The following CNOT1 variants were observed in gnomAD, a reference collection of about 807,000 sequenced individuals.
The protein encoded by CNOT1 is CCR4-associated factor 1.
In CNOT1, 15 loss-of-function variants were observed where a neutral mutation model predicts 273.8. The observed-to-expected ratio is 0.05, with a 90% confidence interval of 0.04 to 0.08. The LOEUF (loss-of-function observed/expected upper bound fraction) is 0.08, where lower values mean the gene tolerates loss of function less well. Among genes scored for constraint, CNOT1 ranks in the 10% least tolerant of loss-of-function variants. The pLI is 1.00. For synonymous variants in CNOT1, 1,022 were observed against 1,005.5 expected (o/e 1.02, Z -0.31); for missense variants, 1,644 against 2,912.2 (o/e 0.56, Z 10.02).
At chr16:58,555,214 A>G (rs1381950784) in intron 21 of CNOT1, 37 bp downstream of exon 21, 1 of 1,605,454 alleles carries the variant, frequency 6.2e-7, no homozygotes, top group Admixed American at 1.7e-5. Context: ...CTGCGGGGTC[A>G]GGGAAGAGAT....
At chr16:58,543,155 A>T (rs1567395719) in intron 31 of CNOT1, 1 of 1,398,474 alleles carries the variant, frequency 7.2e-7, no homozygotes. Context: ...TAAACAAATT[A>T]TTAATCATGA....
chr16:58,578,084 A>C (rs1275980331), intron 13 of CNOT1, among the ~76,000 whole-genome samples: 6 of 152,214 alleles, frequency 3.9e-5, no homozygotes, highest in African/African-American at 1.4e-4. Context: ...TTCTGCCTCC[A>C]TGATAGATGT....
At chr16:58,621,113 G>A (rs2043295572) in intron 1 of CNOT1, among the ~76,000 whole-genome samples, 1 of 151,710 alleles carries the variant, frequency 6.6e-6, no homozygotes, top group Non-Finnish European at 1.5e-5. Flanking sequence ...AGGCTCAGGT[G>A]ATCCTCCCAC....
At chr16:58,628,015 A>T (rs983177475) in intron 1 of CNOT1, among the ~76,000 whole-genome samples, 2 of 152,052 alleles carry the variant, frequency 1.3e-5, no homozygotes, top group African/African-American at 4.8e-5. Context: ...TTTAGTAGAG[A>T]CGCGGTTGTG....
At chr16:58,581,203 C>T in intron 11 of CNOT1, 142 bp downstream of exon 11, 4 of 951,400 alleles carry the variant, frequency 4.2e-6, no homozygotes, top group Non-Finnish European at 6.0e-6. Flanking sequence ...TCCTTCAATA[C>T]TTATGGACAG....
At chr16:58,545,200 C>A (rs1348208657) in intron 30 of CNOT1, among the ~76,000 whole-genome samples, 161 bp downstream of exon 30, 2 of 152,176 alleles carry the variant, frequency 1.3e-5, no homozygotes, top group Non-Finnish European at 2.9e-5. Flanking sequence ...GAAGAACAAT[C>A]CCAACTGAAC....
chr16:58,592,373 T>G (rs1043656992), intron 2 of CNOT1, among the ~76,000 whole-genome samples: 1 of 152,134 alleles, frequency 6.6e-6, no homozygotes, highest in African/African-American at 2.4e-5. Context: ...AACACGGTAT[T>G]AAAAATACTG....
chr16:58,576,500 T>C lies in CNOT1; in HGVS notation c.1667A>G (p.Lys556Arg), dbSNP rs767772812. The change falls in exon 14 of 49, where the codon AAA (lysine) becomes AGA (arginine). Residue 556 changes from lysine to arginine, a missense_variant. Around this residue, in one of 13 missense-constraint regions of CNOT1, gnomAD observed 706 missense variants for 1,021.2 expected, o/e 0.69. Transcript: ENST00000317147. ...GGCCACATCAAGTATTCGAGACAATTTGGCCTGATCATACTGCTCCCCTCT... is the reference window on the plus strand; with the variant it reads ...GGCCACATCAAGTATTCGAGACAATCTGGCCTGATCATACTGCTCCCCTCT... The part of the protein sequence containing the change: ...YMRGEQYDQA[K>R]LSRILDVAQD... 1.9e-6 allele frequency: 3 copies of C among 1,614,148 alleles called. No homozygotes were observed. Among genetic ancestry groups the C allele is most frequent in the African/African-American group, 1.3e-5 (1 of 75,044 alleles).
At chr16:58,589,576 G>A (rs1456262603) in intron 2 of CNOT1, among the ~76,000 whole-genome samples, 1 of 152,136 alleles carries the variant, frequency 6.6e-6, no homozygotes, top group Non-Finnish European at 1.5e-5. Context: ...AAAAACTACA[G>A]TAATTTTACC....
At chr16:58,560,908 C>CCA (rs776806749) in intron 16 of CNOT1, among the ~76,000 whole-genome samples, 4 of 152,044 alleles carry the variant, frequency 2.6e-5, no homozygotes, top group Non-Finnish European at 5.9e-5. Flanking sequence ...GCCTGTAGTC[C>CCA]CAGCTACTCG....
chr16:58,528,751 T>A, intron 43 of CNOT1, 103 bp from the exon 44 acceptor site: 1 of 676,260 alleles, frequency 1.5e-6, no homozygotes, highest in Non-Finnish European at 2.4e-6. Flanking sequence ...GAATGAAGTA[T>A]ACTTTAGTAA....
intron 1 of CNOT1, among the ~76,000 whole-genome samples, chr16:58,609,371 C>CA (rs139856873): frequency 0.34 from 50,945 of 149,118 alleles, 9,913 homozygotes; most frequent in Non-Finnish European, 0.45. Flanking sequence ...GACTCTGTCT[C>CA]AAAAAAAAAC....
intron 47 of CNOT1, chr16:58,522,989 TAATCCCAGCACTTTGG>T (rs2039458608): frequency 6.4e-6 from 1 of 156,278 alleles, no homozygotes; most frequent in Non-Finnish European, 1.4e-5. Flanking sequence ...CTCACGCCTG[TAATCCCAGCACTTTGG>T]GAGGCTGAGG....
At chr16:58,575,248 C>A in intron 14 of CNOT1, 119 bp from the exon 15 acceptor site, 1 of 1,409,068 alleles carries the variant, frequency 7.1e-7, no homozygotes. Context: ...CTAATACTTC[C>A]TTGGTCACAA....
intron 47 of CNOT1, among the ~76,000 whole-genome samples, chr16:58,522,034 T>G (rs1159867421): frequency 1.3e-5 from 2 of 150,952 alleles, no homozygotes; most frequent in Non-Finnish European, 2.9e-5. Context: ...ATTCTAACAC[T>G]GCAGGCTGGG....
chr16:58,571,823 T>A (rs1423543625), intron 16 of CNOT1, among the ~76,000 whole-genome samples: 2 of 150,640 alleles, frequency 1.3e-5, no homozygotes, highest in African/African-American at 4.9e-5. Flanking sequence ...ACTAAAAATT[T>A]AAAAATCATC....
intron 39 of CNOT1, 49 bp downstream of exon 39, chr16:58,536,940 C>A (rs2039948510): frequency 6.3e-7 from 1 of 1,598,374 alleles, no homozygotes. Context: ...GGAGGCATCA[C>A]ACCCTACTTA....
chr16:58,542,177 A>T (rs2040113777), intron 33 of CNOT1, 54 bp downstream of exon 33: 1 of 1,596,590 alleles, frequency 6.3e-7, no homozygotes, highest in East Asian at 2.2e-5. Context: ...ATCAACAACA[A>T]CATTAAAAAT....
chr16:58,616,360 C>T (rs867147504), intron 1 of CNOT1, among the ~76,000 whole-genome samples: 1 of 121,338 alleles, frequency 8.2e-6, no homozygotes, highest in Admixed American at 8.4e-5. Flanking sequence ...CCTGCCTCGG[C>T]CTCCCAAAGT....
Sources: allele counts gnomAD v4.1 joint callset (sites outside exome capture counted in the v4.1 genomes callset), GRCh38; gene constraint gnomAD v4.1.1; regional missense constraint gnomAD v4.1.1; transcripts MANE v1.5; gene names NCBI Gene and HGNC (gene_info 2026-07-23, HGNC 2026-07-21).